Variants in ELF1 observed in about 807,000 individuals in gnomAD.
ELF1 encodes the protein E74 like ETS transcription factor 1.
A neutral mutation model predicts 59.9 loss-of-function variants in ELF1; 24 were observed. The ratio of observed to expected loss-of-function variants is 0.40; its 90% CI spans 0.29 to 0.56. ELF1 has a LOEUF of 0.56. ELF1 is among the 20% of genes least tolerant of loss of function. The pLI is 0.44. For missense variants in ELF1, 627 were observed against 742.2 expected (o/e 0.84, Z 1.80); for synonymous variants, 248 against 266.2 (o/e 0.93, Z 0.67).
intron 1 of ELF1, among the ~76,000 whole-genome samples, chr13:40,998,661 G>C (rs914564882): frequency 5.9e-5 from 9 of 152,106 alleles, no homozygotes; most frequent in Non-Finnish European, 1.0e-4. Flanking sequence ...AACATATACA[G>C]AACAATTAAA....
intron 3 of ELF1, among the ~76,000 whole-genome samples, chr13:40,955,553 G>GA (rs1871274199): frequency 1.3e-5 from 1 of 74,482 alleles, no homozygotes; most frequent in Non-Finnish European, 3.0e-5. Context: ...TAGGTGGGGG[G>GA]GTCAGCCCCC....
intron 3 of ELF1, among the ~76,000 whole-genome samples, chr13:40,951,923 T>C (rs896197042): frequency 5.3e-5 from 8 of 152,046 alleles, no homozygotes; most frequent in African/African-American, 1.9e-4. Flanking sequence ...TAATATTAAA[T>C]AGCCAACCAG....
chr13:41,041,960 G>A (rs1876628489), intron 1 of ELF1, among the ~76,000 whole-genome samples: 1 of 152,196 alleles, frequency 6.6e-6, no homozygotes, highest in Admixed American at 6.5e-5. Context: ...AGTAGATCCT[G>A]TTTAAGCAAA....
At chr13:41,015,091 C>T (rs1270197320) in intron 1 of ELF1, among the ~76,000 whole-genome samples, 7 of 151,978 alleles carry the variant, frequency 4.6e-5, no homozygotes, top group Non-Finnish European at 1.0e-4. Flanking sequence ...AAATGCCACC[C>T]TAAATCAGTA....
At chr13:41,051,553 C>A (rs893066149) in intron 1 of ELF1, among the ~76,000 whole-genome samples, 3 of 152,228 alleles carry the variant, frequency 2.0e-5, no homozygotes, top group Middle Eastern at 3.4e-3. Context: ...GAAAAACACA[C>A]ACACACACAC....
In ELF1 at chr13:40,949,858, T is replaced by C; in HGVS notation, c.477A>G (p.Lys159=). The change falls in exon 5 of 9, where the codon AAA becomes AAG. Residue 159 remains lysine (K), a synonymous_variant. Transcript: ENST00000239882. ...ATGAGGCTCCCGGTGAGTCTGCATA[T>C]TTTTCTTGCACCTGCTGTGTTTCCA... ...EVMETQQVQE[K]YADSPGASSP... is the part of the protein sequence containing the mutation. The C allele has an allele frequency of 6.2e-7, 1 of 1,614,118 alleles. No individual in the cohort carries two copies. Among genetic ancestry groups the C allele is most frequent in the South Asian group, 1.1e-5 (1 of 91,074 alleles).
intron 2 of ELF1, among the ~76,000 whole-genome samples, chr13:40,965,074 C>T (rs1396862199): frequency 3.3e-5 from 5 of 152,160 alleles, no homozygotes; most frequent in Non-Finnish European, 7.3e-5. Flanking sequence ...TGTCATTTAA[C>T]AATTTGTTCC....
At chr13:40,949,724 A>T in intron 5 of ELF1, 82 bp downstream of exon 5, 1 of 1,446,334 alleles carries the variant, frequency 6.9e-7, no homozygotes, top group Non-Finnish European at 9.3e-7. Context: ...CTGCAGCAGG[A>T]AAGAACTATG....
intron 8 of ELF1, among the ~76,000 whole-genome samples, chr13:40,938,996 C>T (rs1369739866): frequency 6.6e-6 from 1 of 151,926 alleles, no homozygotes; most frequent in Non-Finnish European, 1.5e-5. Context: ...AAAATGCAAA[C>T]AAAAAATATA....
intron 3 of ELF1, among the ~76,000 whole-genome samples, chr13:40,952,889 A>G (rs1593357407): frequency 6.6e-6 from 1 of 152,098 alleles, no homozygotes; most frequent in African/African-American, 2.4e-5. Flanking sequence ...CTAAAATACC[A>G]TATTTTATCT....
chr13:41,047,144 C>G (rs1876882265), intron 1 of ELF1, among the ~76,000 whole-genome samples: 1 of 152,162 alleles, frequency 6.6e-6, no homozygotes, highest in Non-Finnish European at 1.5e-5. Context: ...CGTTTAAGGA[C>G]TTCTCTACAC....
Position 40,942,946 on chromosome 13 carries a change from G to T in ELF1, c.806+6C>A. 1 of 1,542,768 alleles carries T rather than the reference G, an allele frequency of 6.5e-7. No homozygotes were observed. The highest frequency in any genetic ancestry group is 1.2e-5 in the South Asian group (1 of 80,102). On this transcript the variant is annotated splice_donor_region_variant and intron_variant, in intron 7 of 8. Transcript: ENST00000239882. ...TAACACAATAAAATACCAAAACTTC[G>T]CATACCTGAGTGCTCTTCCCATGGT...
At chr13:40,993,201 C>A in intron 1 of ELF1, 1 of 1,529,246 alleles carries the variant, frequency 6.5e-7, no homozygotes, top group Non-Finnish European at 9.0e-7. Flanking sequence ...TTTCTTCATT[C>A]CTAACAGTGA....
At chr13:41,054,125 TA>T (rs1243219395) in intron 1 of ELF1, among the ~76,000 whole-genome samples, 26 of 152,152 alleles carry the variant, frequency 1.7e-4, no homozygotes, top group Admixed American at 1.7e-3. Context: ...CACAATATTT[TA>T]AAAAACCAAC....
At chr13:40,978,651 G>A (rs1184087498) in intron 2 of ELF1, among the ~76,000 whole-genome samples, 7 of 151,800 alleles carry the variant, frequency 4.6e-5, no homozygotes, top group Admixed American at 4.6e-4. Context: ...TTCCCACTGG[G>A]CAAAAGGATA....
In ELF1 at chr13:41,035,437, A is replaced by C. The variant is rs117958290; in HGVS notation, c.-229+25401T>G. ...TTTTTTCCCTTTTCCACCCAATTGA[A>C]CCATTCTCAGGTCATTTAGACCACT... On this transcript the variant is annotated intron_variant, in intron 1 of 1. Transcript: ENST00000405737. Among the ~76,000 whole-genome samples, 412 of 152,150 alleles carry C rather than the reference A, an allele frequency of 2.7e-3. 8 individuals are homozygous for C. The East Asian group carries it at 0.048, about 18-fold the overall frequency.
chr13:40,938,064 G>A (rs528935637), intron 8 of ELF1, among the ~76,000 whole-genome samples: 3 of 152,238 alleles, frequency 2.0e-5, no homozygotes, highest in East Asian at 1.9e-4. Flanking sequence ...TGATCCACCC[G>A]CCTCGGCCTC....
At chr13:40,940,443 CA>C (rs1390036131) in intron 8 of ELF1, among the ~76,000 whole-genome samples, 15 of 148,946 alleles carry the variant, frequency 1.0e-4, no homozygotes, top group Admixed American at 1.0e-3. Context: ...CAACTTCTGC[CA>C]CTCTAAAAGA....
rs2138127852 is a variant in ELF1 at position 40,941,288 on chromosome 13, T to C, written c.889A>G (p.Ile297Val). 1 of 1,614,058 alleles carries C rather than the reference T, an allele frequency of 6.2e-7. No homozygotes were observed. Among genetic ancestry groups the C allele is most frequent in the East Asian group, 2.2e-5 (1 of 44,886 alleles). Residue 297 changes from isoleucine (I) to valine (V), a missense_variant, in exon 8 of 9, where the codon ATA (isoleucine) becomes GTA (valine). Transcript: ENST00000239882. ...CTTGGATCCTCATCATTTATATATA[T>C]AAGATCTTTTGGCATTTCTTTAAAC... Reference protein sequence around the residue: ...YQFKEMPKDLIYINDEDPSSS... With the variant: ...YQFKEMPKDLVYINDEDPSSS...
Sources: allele counts gnomAD v4.1 joint callset (sites outside exome capture counted in the v4.1 genomes callset), GRCh38; gene constraint gnomAD v4.1.1; transcripts MANE v1.5; gene names NCBI Gene and HGNC (gene_info 2026-07-23, HGNC 2026-07-21).